Variants in CPLANE1 observed in about 807,000 individuals in gnomAD.
The protein encoded by CPLANE1 is ciliogenesis and planar polarity effector 1.
Under a neutral mutation model 362.5 loss-of-function variants are expected in CPLANE1, and 263 were observed. The observed-to-expected ratio is 0.73, with a 90% CI of 0.66 to 0.80. The LOEUF is 0.80. CPLANE1 is among the 30% of genes least tolerant of loss of function. The pLI, the probability that CPLANE1 is intolerant of heterozygous loss-of-function variation, is 0.00. For synonymous variants in CPLANE1, 1,212 were observed against 1,302.6 expected, an observed-to-expected ratio of 0.93 and a Z score of 1.50; for missense variants, 3,461 against 3,793.4, an observed-to-expected ratio of 0.91 and a Z score of 2.30.
chr5:37,162,312 G>T (rs994008318), intron 38 of CPLANE1, among the ~76,000 whole-genome samples, 153 bp downstream of exon 38: 6 of 152,260 alleles, frequency 3.9e-5, no homozygotes, highest in Admixed American at 6.5e-5. Flanking sequence ...GATTTCTACA[G>T]TATATACCAA....
chr5:37,227,638 T>C lies in CPLANE1; in HGVS notation c.1301A>G (p.His434Arg). The change falls in exon 10 of 53, where the codon CAC becomes CGC. Residue 434 changes from histidine (H) to arginine (R), a missense_variant. This residue lies in a region of CPLANE1 where 3,380 missense variants were observed against 3,666.1 expected (regional missense o/e 0.92). Coordinates refer to ENST00000651892, the MANE Select transcript of CPLANE1 (RefSeq NM_001384732.1). Reference sequence around the variant, plus strand: ...TGAATCAAGTAGAAGTGATCTCATGTGTACTGATGGAGATAGGCTATCAAG... The same window carrying C: ...TGAATCAAGTAGAAGTGATCTCATGCGTACTGATGGAGATAGGCTATCAAG... ...RFLDSLSPSVHMRSLLLDSTQ... is the reference protein window; with the variant it reads ...RFLDSLSPSVRMRSLLLDSTQ... 1 of 1,551,388 alleles carries C rather than the reference T, an allele frequency of 6.4e-7. No individual in the cohort carries two copies. The highest frequency in any genetic ancestry group is 8.7e-7 in the Non-Finnish European group (1 of 1,146,686).
At chr5:37,215,817 A>G (rs1252622595) in intron 15 of CPLANE1, among the ~76,000 whole-genome samples, 1 of 142,204 alleles carries the variant, frequency 7.0e-6, no homozygotes, top group African/African-American at 2.6e-5. Context: ...GCACTGATAT[A>G]AGATTTTTTT....
chr5:37,139,373 A>T lies in CPLANE1; in HGVS notation c.8633-3T>A, dbSNP rs1561376157. On this transcript the variant is annotated splice_polypyrimidine_tract_variant and splice_region_variant and intron_variant, in intron 44 of 52. Coordinates refer to ENST00000651892, the MANE Select transcript of CPLANE1 (RefSeq NM_001384732.1). ...CAATTCATCACTGCTATTCATACCT[A>T]AAAAAAAAATCATTATTAATAAAAA... The T allele has an allele frequency of 2.7e-6, 2 of 742,366 alleles. No individual in the cohort carries two copies. Among genetic ancestry groups the T allele is most frequent in the Non-Finnish European group, 3.7e-6 (2 of 534,964 alleles). 46.0% of individuals were successfully genotyped at this position (742,366 alleles called of 1,614,324 possible). A position where few individuals can be genotyped will look rare whatever the true frequency, so the allele number is the denominator to read the frequency against.
intron 9 of CPLANE1, among the ~76,000 whole-genome samples, chr5:37,229,275 C>A (rs1163453185): frequency 6.6e-6 from 1 of 151,520 alleles, no homozygotes; most frequent in South Asian, 2.1e-4. Context: ...TCGAGGAGGC[C>A]GGGCGCGGTG....
intron 48 of CPLANE1, 125 bp from the exon 49 acceptor site, chr5:37,121,909 C>CA (rs1177494172): frequency 1.4e-6 from 1 of 715,272 alleles, no homozygotes; most frequent in African/African-American, 1.9e-5. Context: ...GACGGAGTTT[C>CA]ACTCTTGTCA....
At chr5:37,127,416 G>A (rs975015818) in intron 46 of CPLANE1, among the ~76,000 whole-genome samples, 4 of 152,084 alleles carry the variant, frequency 2.6e-5, no homozygotes, top group African/African-American at 7.2e-5. Flanking sequence ...CTGCTTTGCA[G>A]AGGACTTAAA....
intron 46 of CPLANE1, among the ~76,000 whole-genome samples, chr5:37,129,810 A>C: frequency 6.6e-6 from 1 of 152,210 alleles, no homozygotes; most frequent in East Asian, 1.9e-4. Context: ...GTAAACTAGT[A>C]CAACCACTAT....
chr5:37,119,340 T>C (rs1227344398), intron 50 of CPLANE1, among the ~76,000 whole-genome samples: 1 of 152,132 alleles, frequency 6.6e-6, no homozygotes, highest in East Asian at 1.9e-4. Flanking sequence ...AAAAAAGTTA[T>C]ACCCTACTAA....
the CPLANE1 span, among the ~76,000 whole-genome samples, chr5:37,079,006 A>G: frequency 6.6e-5 from 10 of 152,238 alleles, no homozygotes; most frequent in Admixed American, 5.9e-4. Context: ...TAAGTTGTCT[A>G]CTTGCTCTGG....
the CPLANE1 span, among the ~76,000 whole-genome samples, chr5:37,080,629 G>T: frequency 2.6e-5 from 4 of 152,112 alleles, no homozygotes; most frequent in African/African-American, 7.2e-5. Context: ...TATGCAATTT[G>T]CCAGAAAGCA....
Position 37,236,389 on chromosome 5 carries a change from A to G in CPLANE1, c.938+2468T>C, listed in dbSNP as rs575752989. Among the ~76,000 whole-genome samples the G allele has an allele frequency of 3.2e-4, 48 of 152,264 alleles. 1 individual carries two copies. The highest frequency in any genetic ancestry group is 1.8e-3 in the Admixed American group (27 of 15,286). Reference sequence around the variant, plus strand: ...TTGGATAGATGTGCAGAAGAATGAAACTGGACCCATACCTCTCATCATATA... The same window carrying G: ...TTGGATAGATGTGCAGAAGAATGAAGCTGGACCCATACCTCTCATCATATA... On this transcript the variant is annotated intron_variant, in intron 8 of 52. Coordinates refer to ENST00000651892, the MANE Select transcript of CPLANE1 (RefSeq NM_001384732.1).
intron 43 of CPLANE1, among the ~76,000 whole-genome samples, chr5:37,144,142 G>A (rs913585535): frequency 6.6e-6 from 1 of 151,622 alleles, no homozygotes; most frequent in African/African-American, 2.4e-5. Context: ...AGGCACGGTG[G>A]CTCACGCTTG....
chr5:37,121,307 C>T (rs1762559587), intron 49 of CPLANE1, among the ~76,000 whole-genome samples: 1 of 152,090 alleles, frequency 6.6e-6, no homozygotes, highest in Non-Finnish European at 1.5e-5. Context: ...AGTTAGAAGG[C>T]AAATTATGGA....
At chr5:37,166,501 G>A (rs1457899936) in intron 35 of CPLANE1, among the ~76,000 whole-genome samples, 1 of 152,156 alleles carries the variant, frequency 6.6e-6, no homozygotes, top group African/African-American at 2.4e-5. Flanking sequence ...GAGAGACAGA[G>A]AGAAAGAGAT....
Position 37,146,546 on chromosome 5 carries a change from A to G in CPLANE1, c.8461+1635T>C, listed in dbSNP as rs1317031024. 2.0e-5 allele frequency among the ~76,000 whole-genome samples: 3 copies of G among 152,238 alleles called. No individual in the cohort carries two copies. The East Asian group carries it at 5.8e-4, about 29-fold the overall frequency. ...TCTGATTAGATATATAAGTATATTA[A>G]GAATTTTTTAAAGGAGTGTCAATAT... On this transcript the variant is annotated intron_variant, in intron 43 of 52. Coordinates refer to ENST00000651892, the MANE Select transcript of CPLANE1 (RefSeq NM_001384732.1).
chr5:37,227,958 T>G, intron 9 of CPLANE1, 141 bp from the exon 10 acceptor site: 1 of 772,298 alleles, frequency 1.3e-6, no homozygotes. Context: ...TAAATGTGTT[T>G]ATATCTTTCA....
chr5:37,168,652 A>T, intron 34 of CPLANE1, 139 bp downstream of exon 34: 1 of 726,014 alleles, frequency 1.4e-6, no homozygotes, highest in Non-Finnish European at 2.2e-6. Flanking sequence ...TCATTATTTT[A>T]AACCTAATTT....
Position 37,209,854 on chromosome 5 carries a change from G to C in CPLANE1, c.2921-3429C>G. On this transcript the variant is annotated intron_variant, in intron 16 of 52. Coordinates refer to ENST00000651892, the MANE Select transcript of CPLANE1 (RefSeq NM_001384732.1). This position sits in a 1 kb window ranked among gnomAD's most constrained non-coding sequence, Gnocchi z 4.6. ...AGTTGTAATATGGAAACTCAGACAA[G>C]TTCGACATTTAGCAGAGATTCTCTG... The C allele has an allele frequency of 7.3e-7, 1 of 1,362,840 alleles. No homozygotes were observed. The highest frequency in any genetic ancestry group is 1.0e-6 in the Non-Finnish European group (1 of 953,352). 84.4% of individuals were successfully genotyped at this position (1,362,840 alleles called of 1,614,324 possible). A position where few individuals can be genotyped will look rare whatever the true frequency, so the allele number is the denominator to read the frequency against.
chr5:37,211,293 C>T (rs1792530842), intron 16 of CPLANE1: 2 of 1,511,178 alleles, frequency 1.3e-6, no homozygotes, highest in Non-Finnish European at 9.0e-7. Flanking sequence ...AGAGGCGGAA[C>T]GCTTGGAAAA....
Sources: allele counts gnomAD v4.1 joint callset (sites outside exome capture counted in the v4.1 genomes callset), GRCh38; gene constraint gnomAD v4.1.1; regional missense constraint gnomAD v4.1.1; non-coding constraint Gnocchi (gnomAD v3.1); transcripts MANE v1.5; gene names NCBI Gene and HGNC (gene_info 2026-07-23, HGNC 2026-07-21).